Variants in CTNND2 observed in about 807,000 individuals in gnomAD.
CTNND2 encodes catenin delta 2.
Under a neutral mutation model 144.4 loss-of-function variants are expected in CTNND2, and 22 were observed. The ratio of observed to expected loss-of-function variants is 0.15; its 90% CI spans 0.11 to 0.22. The LOEUF is 0.22. CTNND2 is among the 10% of genes least tolerant of loss of function. CTNND2 has a pLI of 1.00. For synonymous variants in CTNND2, 751 were observed against 695.6 expected (o/e 1.08, Z -1.25); for missense variants, 1,353 against 1,618.8 (o/e 0.84, Z 2.82).
At chr5:11,361,775 C>T (rs1756478886) in intron 8 of CTNND2, among the ~76,000 whole-genome samples, 3 of 152,228 alleles carry the variant, frequency 2.0e-5, no homozygotes, top group African/African-American at 7.2e-5. Flanking sequence ...TCTGGCCTCA[C>T]ATGCTTGTTT....
At chr5:11,110,826 A>G (rs1752888210) in intron 14 of CTNND2, 32 bp downstream of exon 14, 1 of 1,592,966 alleles carries the variant, frequency 6.3e-7, no homozygotes, top group African/African-American at 1.3e-5. Flanking sequence ...GGAAGGGGAT[A>G]ATTGCATGCA....
intron 12 of CTNND2, among the ~76,000 whole-genome samples, chr5:11,138,415 C>A (rs528352107): frequency 2.6e-5 from 4 of 152,306 alleles, no homozygotes; most frequent in African/African-American, 7.2e-5. Flanking sequence ...TTCTGTCAAT[C>A]CCAGGCTCCC....
intron 3 of CTNND2, among the ~76,000 whole-genome samples, chr5:11,531,877 C>A (rs1433351300): frequency 6.6e-6 from 1 of 152,144 alleles, no homozygotes; most frequent in Non-Finnish European, 1.5e-5. Flanking sequence ...CACATAACAG[C>A]ACTTTTTATA....
chr5:11,119,331 G>A (rs945547404), intron 12 of CTNND2, among the ~76,000 whole-genome samples: 2 of 152,192 alleles, frequency 1.3e-5, no homozygotes, highest in African/African-American at 4.8e-5. Context: ...GTAACACTGG[G>A]AAAGGTTATA....
At position 11,044,468 on chromosome 5, in the gene CTNND2, A is replaced by G. The variant is rs554385445; in HGVS notation, c.2789-21489T>C. ...ACGATATTTTCTATGTACATTTCAT[A>G]ATCCGATATAAGCAGTCCCTCCTAC... On this transcript the variant is annotated intron_variant, in intron 16 of 21. Transcript: ENST00000304623. 3.3e-5 allele frequency among the ~76,000 whole-genome samples: 5 copies of G among 152,136 alleles called. No individual in the cohort carries two copies. The Middle Eastern group carries it at 0.01, about 310-fold the overall frequency.
chr5:11,266,873 G>A (rs533970117), intron 9 of CTNND2, among the ~76,000 whole-genome samples: 14 of 152,184 alleles, frequency 9.2e-5, no homozygotes, highest in Admixed American at 8.5e-4. Context: ...GCAAAGAGAC[G>A]ACCTAAAGCT....
At chr5:11,298,325 CAT>C (rs2150027978) in intron 9 of CTNND2, among the ~76,000 whole-genome samples, 1 of 152,190 alleles carries the variant, frequency 6.6e-6, no homozygotes, top group South Asian at 2.1e-4. Flanking sequence ...TATGCACCAC[CAT>C]GCTGGGCCAT....
At chr5:11,531,052 T>C (rs1773706031) in intron 3 of CTNND2, among the ~76,000 whole-genome samples, 1 of 152,094 alleles carries the variant, frequency 6.6e-6, no homozygotes, top group Admixed American at 6.5e-5. Flanking sequence ...TCATTAGAGG[T>C]TTACTCTACT....
intron 1 of CTNND2, among the ~76,000 whole-genome samples, chr5:11,824,398 A>G (rs1463032510): frequency 6.6e-6 from 1 of 152,184 alleles, no homozygotes; most frequent in African/African-American, 2.4e-5. Flanking sequence ...CTGATGCAGG[A>G]GACAGCAGTG....
intron 2 of CTNND2, among the ~76,000 whole-genome samples, chr5:11,649,122 A>G (rs550534207): frequency 1.6e-4 from 24 of 152,310 alleles, no homozygotes; most frequent in African/African-American, 5.8e-4. Flanking sequence ...GGGTCAAAGC[A>G]TTGTATTAAC....
At chr5:11,506,342 G>T (rs1771031803) in intron 3 of CTNND2, among the ~76,000 whole-genome samples, 1 of 152,104 alleles carries the variant, frequency 6.6e-6, no homozygotes, top group Admixed American at 6.5e-5. Context: ...ATAAAATAGA[G>T]ATTTAAAAAA....
At chr5:11,023,606 T>A (rs571206818) in intron 16 of CTNND2, among the ~76,000 whole-genome samples, 7 of 152,354 alleles carry the variant, frequency 4.6e-5, no homozygotes, top group Admixed American at 1.3e-4. Context: ...CTATGTGTCC[T>A]CTGAACTATA....
At chr5:11,085,347 G>A (rs2149641043) in intron 15 of CTNND2, among the ~76,000 whole-genome samples, 1 of 152,310 alleles carries the variant, frequency 6.6e-6, no homozygotes, top group South Asian at 2.1e-4. Flanking sequence ...ATTTTGAAAG[G>A]TTAGTTATGT....
chr5:11,756,173 AG>A (rs1321026546), intron 1 of CTNND2, among the ~76,000 whole-genome samples: 2 of 151,722 alleles, frequency 1.3e-5, no homozygotes, highest in Non-Finnish European at 3.0e-5. Context: ...AATTTTAAAC[AG>A]TTATAAAGCC....
chr5:11,562,994 C>T (rs575651106), intron 3 of CTNND2, among the ~76,000 whole-genome samples: 14 of 152,300 alleles, frequency 9.2e-5, no homozygotes, highest in African/African-American at 2.9e-4. Context: ...TCCACTAGCA[C>T]ACAAGCCACT....
chr5:11,324,584 T>C (rs1018605010), intron 9 of CTNND2, among the ~76,000 whole-genome samples: 1 of 152,206 alleles, frequency 6.6e-6, no homozygotes, highest in East Asian at 1.9e-4. Context: ...TCTCTTTGTC[T>C]AATAATAACG....
At chr5:11,515,864 C>G (rs1192793398) in intron 3 of CTNND2, among the ~76,000 whole-genome samples, 1 of 152,088 alleles carries the variant, frequency 6.6e-6, no homozygotes. Context: ...CTTTGGGAAG[C>G]TGAGGGTGGA....
At chr5:11,344,456 T>C (rs1249721750) in intron 9 of CTNND2, among the ~76,000 whole-genome samples, 1 of 152,184 alleles carries the variant, frequency 6.6e-6, no homozygotes, top group Non-Finnish European at 1.5e-5. Flanking sequence ...AAAGGTATTA[T>C]ATTACTACAC....
At chr5:11,289,218 G>C (rs1330093696) in intron 9 of CTNND2, among the ~76,000 whole-genome samples, 1 of 152,180 alleles carries the variant, frequency 6.6e-6, no homozygotes, top group Non-Finnish European at 1.5e-5. Context: ...AGTGTCCAGA[G>C]CATCTAACAC....
Sources: gnomAD v4.1 joint callset for allele counts (sites outside exome capture counted in the v4.1 genomes callset) on GRCh38, gnomAD v4.1.1 for gene constraint, MANE v1.5 for transcripts, NCBI Gene and HGNC (gene_info 2026-07-23, HGNC 2026-07-21) for gene names.